Variants in RFTN1 observed in about 807,000 individuals in gnomAD.
The protein encoded by RFTN1 is raftlin, lipid raft linker 1, also known as raftlin.
RFTN1 carries 26 observed loss-of-function variants against 46.5 expected under a neutral mutation model. The ratio of observed to expected loss-of-function variants is 0.56; its 90% CI spans 0.41 to 0.78. The LOEUF is 0.78. Ranked by LOEUF, RFTN1 falls within the 30% of genes least tolerant of loss-of-function variation. RFTN1 has a pLI of 0.00. For synonymous variants in RFTN1, 261 were observed against 284.2 expected, an observed-to-expected ratio of 0.92 and a Z score of 0.82; for missense variants, 693 against 718.7, an observed-to-expected ratio of 0.96 and a Z score of 0.41.
intron 2 of RFTN1, among the ~76,000 whole-genome samples, chr3:16,476,780 C>T (rs377459935): frequency 2.6e-5 from 4 of 152,290 alleles, no homozygotes; most frequent in African/African-American, 9.6e-5. Flanking sequence ...TCAGCAAATC[C>T]TACAAATCAG....
rs1254867358 is a variant in RFTN1, at chr3:16,489,426, A to G, written c.145+4299T>C. 6.6e-6 allele frequency among the ~76,000 whole-genome samples: 1 copy of G among 152,166 alleles called. No individual in the cohort carries two copies. Among genetic ancestry groups the G allele is most frequent in the Non-Finnish European group, 1.5e-5 (1 of 68,032 alleles). On this transcript the variant is annotated intron_variant, in intron 2 of 9. Transcript: ENST00000334133. The surrounding 1 kb of genome is among the most constrained non-coding windows in gnomAD (Gnocchi z 4.0). ...GAGTGAGACTTCGCTTCAAAAAAAA[A>G]TCAGTGATGGAGAGGAGATTAGTGG...
chr3:16,403,459 G>A (rs2074656206), intron 4 of RFTN1, among the ~76,000 whole-genome samples: 1 of 147,966 alleles, frequency 6.8e-6, no homozygotes, highest in African/African-American at 2.5e-5. Flanking sequence ...CCTAACGCAT[G>A]AGGAGGATTC....
intron 1 of RFTN1, among the ~76,000 whole-genome samples, chr3:16,495,657 T>A (rs2076612676): frequency 6.6e-6 from 1 of 152,226 alleles, no homozygotes; most frequent in African/African-American, 2.4e-5. Flanking sequence ...GAAGCTGCCC[T>A]ACCTGAAGGG....
Position 16,382,782 on chromosome 3 carries a change from A to G in RFTN1, c.442-4680T>C, listed in dbSNP as rs2074037052. Among the ~76,000 whole-genome samples the G allele has an allele frequency of 6.6e-6, 1 of 152,110 alleles. No individual in the cohort carries two copies. Among genetic ancestry groups the G allele is most frequent in the Non-Finnish European group, 1.5e-5 (1 of 68,014 alleles). ...TTCTGGAATTACTTCCTCCTTCTCCATAAAGTGACCATCCAAGCTCACTTT... is the reference window on the plus strand; with the variant it reads ...TTCTGGAATTACTTCCTCCTTCTCCGTAAAGTGACCATCCAAGCTCACTTT... On this transcript the variant is annotated intron_variant, in intron 4 of 9. Coordinates refer to ENST00000334133, the MANE Select transcript of RFTN1 (RefSeq NM_015150.2). The surrounding 1 kb of genome is among the most constrained non-coding windows in gnomAD (Gnocchi z 4.7).
rs2075284939 is a variant in RFTN1 at position 16,426,125 on chromosome 3, T to C, written c.332+7726A>G. ...CGGCGGCTGCAGTTTCCCATCACAG[T>C]AGCACGCATCAATCAGTGCTAAACC... On this transcript the variant is annotated intron_variant, in intron 3 of 9. Coordinates refer to ENST00000334133, the MANE Select transcript of RFTN1 (RefSeq NM_015150.2). This position sits in a 1 kb window ranked among gnomAD's most constrained non-coding sequence, Gnocchi z 5.9. Among the ~76,000 whole-genome samples, 1 of 152,174 alleles carries C rather than the reference T, an allele frequency of 6.6e-6. No homozygotes were observed. Among genetic ancestry groups the C allele is most frequent in the South Asian group, 2.1e-4 (1 of 4,816 alleles).
rs2075186363 is a variant in RFTN1 at position 16,421,642 on chromosome 3, G to A, written c.333-12159C>T. On this transcript the variant is annotated intron_variant, in intron 3 of 9. Transcript: ENST00000334133. The surrounding 1 kb of genome is among the most constrained non-coding windows in gnomAD (Gnocchi z 4.6). Reference sequence around the variant, plus strand: ...TGGGATTACAGGTGTGAGCCACCACGCCCAGCCCAACATTGGTGTTTTAAT... The same window carrying A: ...TGGGATTACAGGTGTGAGCCACCACACCCAGCCCAACATTGGTGTTTTAAT... 1.3e-5 allele frequency among the ~76,000 whole-genome samples: 2 copies of A among 152,008 alleles called. No individual in the cohort carries two copies. Among genetic ancestry groups the A allele is most frequent in the Admixed American group, 6.6e-5 (1 of 15,244 alleles).
In RFTN1 at chr3:16,460,868, T is replaced by C. The variant is rs1186247385; in HGVS notation, c.146-26831A>G. Among the ~76,000 whole-genome samples the C allele has an allele frequency of 6.6e-6, 1 of 152,186 alleles. No individual in the cohort carries two copies. The highest frequency in any genetic ancestry group is 1.5e-5 in the Non-Finnish European group (1 of 68,026). Reference sequence around the variant, plus strand: ...TCCCACCTACCCACCCCAGAATTTCTTACCCTTCATAAGGCAGCCCCTACT... The same window carrying C: ...TCCCACCTACCCACCCCAGAATTTCCTACCCTTCATAAGGCAGCCCCTACT... On this transcript the variant is annotated intron_variant, in intron 2 of 9. Transcript: ENST00000334133. The surrounding 1 kb of genome is among the most constrained non-coding windows in gnomAD (Gnocchi z 4.8).
intron 4 of RFTN1, among the ~76,000 whole-genome samples, chr3:16,408,282 C>G (rs747962012): frequency 1.5e-4 from 23 of 152,178 alleles, no homozygotes; most frequent in Non-Finnish European, 2.4e-4. Flanking sequence ...TTCCGGATCC[C>G]CTTGCTCCTC....
At chr3:16,359,037 A>C (rs967316706) in intron 6 of RFTN1, among the ~76,000 whole-genome samples, 1 of 149,552 alleles carries the variant, frequency 6.7e-6, no homozygotes, top group African/African-American at 2.4e-5. Flanking sequence ...GTCTCCAAAA[A>C]AAAAAAAAAA....
intron 3 of RFTN1, among the ~76,000 whole-genome samples, chr3:16,411,774 C>A (rs943489911): frequency 2.0e-5 from 3 of 152,196 alleles, no homozygotes; most frequent in African/African-American, 7.2e-5. Flanking sequence ...TAAAATCCAG[C>A]TGTTCTGTTA....
At chr3:16,419,302 G>A (rs957282378) in intron 3 of RFTN1, among the ~76,000 whole-genome samples, 4 of 152,074 alleles carry the variant, frequency 2.6e-5, no homozygotes, top group African/African-American at 7.2e-5. Flanking sequence ...GAGAAAGGAC[G>A]GTACTCGCCT....
At chr3:16,343,663 T>C (rs113269491) in intron 7 of RFTN1, among the ~76,000 whole-genome samples, 7 of 152,356 alleles carry the variant, frequency 4.6e-5, no homozygotes, top group African/African-American at 9.6e-5. Flanking sequence ...GTCAAAGATA[T>C]CTGTTCTAAG....
intron 2 of RFTN1, among the ~76,000 whole-genome samples, chr3:16,478,127 C>T (rs2076312281): frequency 6.6e-6 from 1 of 152,170 alleles, no homozygotes; most frequent in African/African-American, 2.4e-5. Context: ...TCACAGCTGC[C>T]CCTTCCTCTG....
intron 6 of RFTN1, among the ~76,000 whole-genome samples, chr3:16,367,284 A>AT (rs74548709): frequency 2.1e-5 from 3 of 142,816 alleles, no homozygotes; most frequent in Admixed American, 6.9e-5. Flanking sequence ...TTAGCTTGCC[A>AT]TTTTTTTTCT....
Position 16,380,643 on chromosome 3 carries a change from C to T in RFTN1, c.442-2541G>A, listed in dbSNP as rs2073956362. Reference sequence around the variant, plus strand: ...CCTGTTAGAAATGCAAATTCTCAGGCCCCACCACAGACCTACTGAGTCAGA... The same window carrying T: ...CCTGTTAGAAATGCAAATTCTCAGGTCCCACCACAGACCTACTGAGTCAGA... On this transcript the variant is annotated intron_variant, in intron 4 of 9. Coordinates refer to ENST00000334133, the MANE Select transcript of RFTN1 (RefSeq NM_015150.2). The surrounding 1 kb of genome is among the most constrained non-coding windows in gnomAD (Gnocchi z 4.8). 1.3e-5 allele frequency among the ~76,000 whole-genome samples: 2 copies of T among 152,176 alleles called. No individual in the cohort carries two copies. The highest frequency in any genetic ancestry group is 2.9e-5 in the Non-Finnish European group (2 of 68,030).
Position 16,383,173 on chromosome 3 carries a change from C to G in RFTN1, c.442-5071G>C, listed in dbSNP as rs1313674575. Among the ~76,000 whole-genome samples the G allele has an allele frequency of 6.6e-6, 1 of 152,186 alleles. No individual in the cohort carries two copies. Among genetic ancestry groups the G allele is most frequent in the Non-Finnish European group, 1.5e-5 (1 of 68,024 alleles). ...TCGCTCTGAGTATCCTAAGCCCAACCTGATGCCTCTTCAACGATACCACTC... is the reference window on the plus strand; with the variant it reads ...TCGCTCTGAGTATCCTAAGCCCAACGTGATGCCTCTTCAACGATACCACTC... On this transcript the variant is annotated intron_variant, in intron 4 of 9. Coordinates refer to ENST00000334133, the MANE Select transcript of RFTN1 (RefSeq NM_015150.2). The surrounding 1 kb of genome is among the most constrained non-coding windows in gnomAD (Gnocchi z 4.0).
At position 16,345,817 on chromosome 3, in the gene RFTN1, T is replaced by TGTGTGTGTGTGC. The variant is rs1160939614; in HGVS notation, c.1146+12114_1146+12115insGCACACACACAC. Among the ~76,000 whole-genome samples the TGTGTGTGTGTGC allele has an allele frequency of 7.6e-4, 57 of 74,616 alleles. No homozygotes were observed. The highest frequency in any genetic ancestry group is 2.9e-3 in the African/African-American group (53 of 18,180). The allele number at this position is 74,616 out of a possible 152,430, so 49.0% of individuals were successfully genotyped here. On this transcript the variant is annotated intron_variant, in intron 7 of 9. Transcript: ENST00000334133. The surrounding 1 kb of genome is among the most constrained non-coding windows in gnomAD (Gnocchi z 5.2). ...GTGTGTGTGTGTGTGTGTGTGTGTG[T>TGTGTGTGTGTGC]GCGCGCGCGCGTGCGCGCACGCGCA...
chr3:16,438,914 C>T (rs530968901), intron 2 of RFTN1, among the ~76,000 whole-genome samples: 1 of 152,290 alleles, frequency 6.6e-6, no homozygotes, highest in East Asian at 1.9e-4. Flanking sequence ...AACCTCCATG[C>T]TCCCAAATCG....
At chr3:16,491,708 T>C (rs2076540447) in intron 2 of RFTN1, among the ~76,000 whole-genome samples, 1 of 151,760 alleles carries the variant, frequency 6.6e-6, no homozygotes, top group South Asian at 2.1e-4. Flanking sequence ...AGGAGCAAAG[T>C]TACTCTTCGT....
Sources: gnomAD v4.1 joint callset for allele counts (sites outside exome capture counted in the v4.1 genomes callset) on GRCh38, gnomAD v4.1.1 for gene constraint, Gnocchi (gnomAD v3.1) non-coding constraint, MANE v1.5 for transcripts, NCBI Gene and HGNC (gene_info 2026-07-23, HGNC 2026-07-21) for gene names.